Variants in ACTR5 observed in about 807,000 individuals in gnomAD.
ACTR5 encodes the protein actin-related protein 5.
A neutral mutation model predicts 61.2 loss-of-function variants in ACTR5; 43 were observed. The observed-to-expected ratio is 0.70, with a 90% confidence interval of 0.55 to 0.91. ACTR5 has a LOEUF of 0.91. Among genes scored for constraint, ACTR5 ranks in the 40% least tolerant of loss-of-function variants. ACTR5 has a pLI of 0.00. For synonymous variants in ACTR5, 333 were observed against 310.5 expected (o/e 1.07, Z -0.76); for missense variants, 798 against 782.2 (o/e 1.02, Z -0.24).
intron 5 of ACTR5, among the ~76,000 whole-genome samples, chr20:38,762,454 G>A (rs2084460718): frequency 6.6e-6 from 1 of 152,242 alleles, no homozygotes; most frequent in South Asian, 2.1e-4. Context: ...CCCCCACTGA[G>A]ACTCAAGGGG....
At chr20:38,755,256 C>A in intron 4 of ACTR5, 82 bp downstream of exon 4, 2 of 1,403,894 alleles carry the variant, frequency 1.4e-6, no homozygotes, top group Non-Finnish European at 1.9e-6. Context: ...TTTCCATTGG[C>A]CTTAAGATGC....
intron 8 of ACTR5, among the ~76,000 whole-genome samples, chr20:38,770,005 C>A (rs931835177): frequency 6.6e-6 from 1 of 152,136 alleles, no homozygotes; most frequent in African/African-American, 2.4e-5. Flanking sequence ...CCAAAGTCTC[C>A]CATGAATTAC....
At chr20:38,755,287 G>A in intron 4 of ACTR5, 113 bp downstream of exon 4, 1 of 1,225,248 alleles carries the variant, frequency 8.2e-7, no homozygotes, top group Non-Finnish European at 1.1e-6. Context: ...TGTCACCTTT[G>A]GGGTCACGAA....
At chr20:38,755,342 C>T (rs2084413804) in intron 4 of ACTR5, among the ~76,000 whole-genome samples, 168 bp downstream of exon 4, 1 of 152,204 alleles carries the variant, frequency 6.6e-6, no homozygotes, top group Admixed American at 6.5e-5. Flanking sequence ...GTAGAAGCAG[C>T]TGTTTCTGAA....
At position 38,749,722 on chromosome 20, in the gene ACTR5, A is replaced by T. The variant is rs79390418; in HGVS notation, c.376-288A>T. ...TGATGGTGGCTTAGATGAGGCAGAT[A>T]GCAGGGAATGTCATTAGAAGCAGTT... On this transcript the variant is annotated intron_variant, in intron 1 of 8. Coordinates refer to ENST00000243903, the MANE Select transcript of ACTR5 (RefSeq NM_024855.4). Among the ~76,000 whole-genome samples, 1,286 of 152,362 alleles carry T rather than the reference A, an allele frequency of 8.4e-3. 16 individuals carry two copies. Among genetic ancestry groups the T allele is most frequent in the African/African-American group, 0.028 (1,175 of 41,582 alleles).
rs145580854 is a variant in ACTR5 at position 38,765,238 on chromosome 20, G to A, written c.1177-164G>A. On this transcript the variant is annotated intron_variant, in intron 5 of 8. Coordinates refer to ENST00000243903, the MANE Select transcript of ACTR5 (RefSeq NM_024855.4). ...CCGTTCCTGGCTTTTTAGTCTTCGT[G>A]TTCATGTGTGCTTTTTTAAAAATAG... Among the ~76,000 whole-genome samples, 3 of 152,320 alleles carry A rather than the reference G, an allele frequency of 2.0e-5. No homozygotes were observed. The East Asian group carries it at 5.8e-4, about 29-fold the overall frequency.
chr20:38,762,211 G>C (rs928373891), intron 5 of ACTR5, among the ~76,000 whole-genome samples: 2 of 152,194 alleles, frequency 1.3e-5, no homozygotes, highest in Non-Finnish European at 1.5e-5. Context: ...GAGGACTCAA[G>C]GTCTGGGTTC....
intron 7 of ACTR5, 91 bp from the exon 8 acceptor site, chr20:38,767,373 C>G: frequency 1.9e-6 from 2 of 1,043,716 alleles, no homozygotes; most frequent in Non-Finnish European, 1.3e-6. Context: ...AGAAGTTTTT[C>G]TGTTTTGTAC....
intron 7 of ACTR5, 150 bp from the exon 8 acceptor site, chr20:38,767,314 C>T (rs2084492517): frequency 5.5e-6 from 4 of 722,988 alleles, no homozygotes; most frequent in Middle Eastern, 4.3e-4. Flanking sequence ...TGTAGAGACA[C>T]AAATGAAAAA....
chr20:38,748,524 G>C lies in ACTR5; in HGVS notation c.46G>C (p.Asp16His). The C allele has an allele frequency of 1.3e-6, 2 of 1,505,374 alleles. No homozygotes were observed. Among genetic ancestry groups the C allele is most frequent in the Non-Finnish European group, 8.8e-7 (1 of 1,132,572 alleles). The allele number at this position is 1,505,374 out of a possible 1,614,324, so 93.3% of individuals were successfully genotyped here. ...FPFRDARAAP[D>H]PVLEAGPVAH... is the part of the protein sequence containing the mutation. The stretch of plus-strand genomic sequence containing the variant: ...GTTCCGCGACGCCCGTGCCGCACCG[G>C]ACCCAGTGCTGGAGGCCGGCCCGGT... Residue 16 changes from aspartate to histidine, a missense_variant, in exon 1 of 9, where the codon GAC becomes CAC. By Grantham distance (81) the Asp-to-His change is moderately conservative. Coordinates refer to ENST00000243903, the MANE Select transcript of ACTR5 (RefSeq NM_024855.4).
At chr20:38,767,300 G>GT (rs1287491544) in intron 7 of ACTR5, among the ~76,000 whole-genome samples, 164 bp from the exon 8 acceptor site, 2 of 151,330 alleles carry the variant, frequency 1.3e-5, no homozygotes, top group Admixed American at 6.6e-5. Context: ...TTGGGCTGGC[G>GT]TTTTGTAGAG....
At position 38,748,675 on chromosome 20, in the gene ACTR5, C is replaced by T; in HGVS notation, c.197C>T (p.Ala66Val). ...EPRLQFRAVC[A>V]RGRGGARGAS... Reference sequence around the variant, plus strand: ...CGCCTGCAGTTCCGCGCGGTGTGCGCCCGCGGTCGTGGCGGGGCACGGGGC... The same window carrying T: ...CGCCTGCAGTTCCGCGCGGTGTGCGTCCGCGGTCGTGGCGGGGCACGGGGC... Residue 66 changes from alanine to valine, a missense_variant, in exon 1 of 9, where the codon GCC becomes GTC. Ala to Val is a moderately conservative substitution (Grantham distance 64). Transcript: ENST00000243903. 1.3e-6 allele frequency: 2 copies of T among 1,520,152 alleles called. No homozygotes were observed. Among genetic ancestry groups the T allele is most frequent in the South Asian group, 1.2e-5 (1 of 80,950 alleles). 94.2% of individuals were successfully genotyped at this position (1,520,152 alleles called of 1,614,324 possible).
chr20:38,755,267 T>C (rs1352003432), intron 4 of ACTR5, 93 bp downstream of exon 4: 2 of 1,344,746 alleles, frequency 1.5e-6, no homozygotes, highest in Admixed American at 2.7e-5. Flanking sequence ...CTTAAGATGC[T>C]TTGACTGTTT....
At chr20:38,755,596 C>T (rs1174019987) in intron 4 of ACTR5, among the ~76,000 whole-genome samples, 3 of 151,222 alleles carry the variant, frequency 2.0e-5, no homozygotes, top group African/African-American at 7.3e-5. Context: ...CATCCCCCGC[C>T]CCACCAAAAA....
rs745735000 is a variant in ACTR5, at chr20:38,748,868, AGGCTG to A, written c.375+28_375+32del. On this transcript the variant is annotated intron_variant, in intron 1 of 8. Transcript: ENST00000243903. ...TCTCCTCACAGGTGAAGGGCGGAGT[AGGCTG>A]GGCTGGGCTGGGTTTGAGGGGAGGG... 3.1e-6 allele frequency: 5 copies of A among 1,598,036 alleles called. No individual in the cohort carries two copies. The African/African-American group carries it at 4.1e-5, about 13-fold the overall frequency.
At chr20:38,771,095 C>T (rs367860992) in intron 8 of ACTR5, among the ~76,000 whole-genome samples, 229 of 152,362 alleles carry the variant, frequency 1.5e-3, no homozygotes, top group Non-Finnish European at 2.2e-3. Context: ...TCACAGAGAA[C>T]GCCCAGGTCA....
chr20:38,752,183 G>C lies in ACTR5; in HGVS notation c.658G>C (p.Gly220Arg), dbSNP rs1287767575. ...CAATCTTGGAGGAAGCCAAGCAGCTGGTTACCTCCAGCGTCTCCTCCAGCT... is the reference window on the plus strand; with the variant it reads ...CAATCTTGGAGGAAGCCAAGCAGCTCGTTACCTCCAGCGTCTCCTCCAGCT... ...RINLGGSQAAGYLQRLLQLKY... is the reference protein window; with the variant it reads ...RINLGGSQAARYLQRLLQLKY... Residue 220 changes from glycine to arginine, a missense_variant, in exon 3 of 9, where the codon GGT becomes CGT. Transcript: ENST00000243903. 1 of 1,613,898 alleles carries C rather than the reference G, an allele frequency of 6.2e-7. No homozygotes were observed. The highest frequency in any genetic ancestry group is 8.5e-7 in the Non-Finnish European group (1 of 1,179,936).
intron 8 of ACTR5, among the ~76,000 whole-genome samples, chr20:38,768,051 C>T (rs188997992): frequency 4.5e-4 from 68 of 152,306 alleles, no homozygotes; most frequent in African/African-American, 1.3e-3. Flanking sequence ...GCAGAGCCCA[C>T]ACTGCAGAGC....
At position 38,771,590 on chromosome 20, in the gene ACTR5, C is replaced by T; in HGVS notation, c.1598C>T (p.Ala533Val). 1 of 1,614,006 alleles carries T rather than the reference C, an allele frequency of 6.2e-7. No homozygotes were observed. The highest frequency in any genetic ancestry group is 8.5e-7 in the Non-Finnish European group (1 of 1,179,976). Residue 533 changes from alanine to valine, a missense_variant, in exon 9 of 9, where the codon GCC (alanine) becomes GTC (valine). Ala to Val is a moderately conservative substitution (Grantham distance 64). Coordinates refer to ENST00000243903, the MANE Select transcript of ACTR5 (RefSeq NM_024855.4). The stretch of plus-strand genomic sequence containing the variant: ...CTTGCCTCGAACCCTGTGCTGGATG[C>T]CTGGTACGGTGCTCGTGACTGGGCC... ...VQLASNPVLD[A>V]WYGARDWALN...
Sources: allele counts gnomAD v4.1 joint callset (sites outside exome capture counted in the v4.1 genomes callset), GRCh38; gene constraint gnomAD v4.1.1; transcripts MANE v1.5; gene names NCBI Gene and HGNC (gene_info 2026-07-23, HGNC 2026-07-21).